NUP214: variants seen among roughly 807,000 people sequenced by gnomAD.
The protein encoded by NUP214 is nuclear pore complex protein Nup214.
NUP214 carries 79 observed loss-of-function variants against 196.2 expected under a neutral mutation model. The ratio of observed to expected loss-of-function variants is 0.40; its 90% confidence interval spans 0.34 to 0.49. The LOEUF is 0.49. Ranked by LOEUF, NUP214 falls within the 20% of genes least tolerant of loss-of-function variation. NUP214 has a pLI of 0.58. For missense variants in NUP214, 2,468 were observed against 2,539.0 expected (o/e 0.97, Z 0.60); for synonymous variants, 1,020 against 990.5 (o/e 1.03, Z -0.56).
intron 29 of NUP214, among the ~76,000 whole-genome samples, chr9:131,200,264 T>TACCCAATCAGTGACAGAA (rs1382384191): frequency 6.6e-6 from 1 of 152,248 alleles, no homozygotes; most frequent in Admixed American, 6.5e-5. Flanking sequence ...TAAGCTCACC[T>TACCCAATCAGTGACAGAA]ACCCAATCAG....
At chr9:131,163,313 T>C (rs1832696406) in intron 19 of NUP214, 140 bp downstream of exon 19, 1 of 720,748 alleles carries the variant, frequency 1.4e-6, no homozygotes, top group African/African-American at 1.8e-5. Flanking sequence ...TCCCACCCTC[T>C]CTGATCCTTT....
intron 34 of NUP214, among the ~76,000 whole-genome samples, chr9:131,231,594 A>G (rs533059721): frequency 6.6e-6 from 1 of 151,798 alleles, no homozygotes; most frequent in African/African-American, 2.4e-5. Flanking sequence ...TAATGGTCTT[A>G]CTAGGCCTTG....
rs1172304070 is a variant in NUP214, at chr9:131,132,115, CTTTCTTTTTTTT to C, written c.664-477_664-466del. Among the ~76,000 whole-genome samples the C allele has an allele frequency of 9.3e-3, 1,001 of 108,172 alleles. 58 individuals are homozygous for C. Among genetic ancestry groups the C allele is most frequent in the Admixed American group, 0.091 (887 of 9,694 alleles). The allele number at this position is 108,172 out of a possible 152,430, so 71.0% of individuals were successfully genotyped here. A position where few individuals can be genotyped will look rare whatever the true frequency, so the allele number is the denominator to read the frequency against. On this transcript the variant is annotated intron_variant, in intron 5 of 35. Transcript: ENST00000359428. Reference sequence around the variant, plus strand: ...TGCGTTCATGCGTTTCTTTTCTTTTCTTTCTTTTTTTTTTTTTTTTGGAGACCAAGTTTTGCT... The same window carrying C: ...TGCGTTCATGCGTTTCTTTTCTTTTCTTTTTTTTGGAGACCAAGTTTTGCT...
At chr9:131,196,879 A>G (rs1833804752) in intron 28 of NUP214, among the ~76,000 whole-genome samples, 1 of 152,256 alleles carries the variant, frequency 6.6e-6, no homozygotes, top group African/African-American at 2.4e-5. Context: ...GATGTTATTA[A>G]GGAAAGCACA....
At chr9:131,145,369 TTA>T (rs1294801760) in intron 12 of NUP214, among the ~76,000 whole-genome samples, 2 of 152,170 alleles carry the variant, frequency 1.3e-5, no homozygotes, top group Admixed American at 1.3e-4. Context: ...AAGCAATCCC[TTA>T]TATCTTGTAA....
intron 1 of NUP214, chr9:131,126,165 A>G (rs753918711): frequency 5.7e-5 from 13 of 227,902 alleles, no homozygotes; most frequent in Non-Finnish European, 9.7e-5. Context: ...GCATCATTTA[A>G]GACCTTTGCT....
chr9:131,143,551 T>C (rs1285415325), intron 11 of NUP214, among the ~76,000 whole-genome samples: 2 of 152,310 alleles, frequency 1.3e-5, no homozygotes, highest in South Asian at 4.1e-4. Flanking sequence ...TAAATTCTTA[T>C]AATTTAGAGG....
At chr9:131,184,433 A>G (rs767471599) in intron 24 of NUP214, among the ~76,000 whole-genome samples, 4 of 150,510 alleles carry the variant, frequency 2.7e-5, no homozygotes, top group Non-Finnish European at 5.9e-5. Context: ...TCCCGGGTTC[A>G]AGCGATTCTC....
chr9:131,198,609 C>T lies in NUP214; in HGVS notation c.5115C>T (p.Ser1705=), dbSNP rs554258793. Reference sequence around the variant, plus strand: ...CAGCTGCCACACCACAGGTCAGCAGCTCAGGGTTTAGCAGCCCAGCTTTTG... The same window carrying T: ...CAGCTGCCACACCACAGGTCAGCAGTTCAGGGTTTAGCAGCCCAGCTTTTG... ...STAAATPQVS[S]SGFSSPAFGT... The change falls in exon 29 of 36, where the codon AGC becomes AGT. Residue 1705 remains serine, a synonymous_variant. Transcript: ENST00000359428. 9.9e-6 allele frequency: 16 copies of T among 1,614,244 alleles called. No homozygotes were observed. The East Asian group carries it at 2.0e-4, about 20-fold the overall frequency.
At chr9:131,151,994 G>A (rs914876026) in intron 17 of NUP214, 100 bp downstream of exon 17, 30 of 906,220 alleles carry the variant, frequency 3.3e-5, no homozygotes, top group Non-Finnish European at 6.3e-6. Flanking sequence ...GGCTCTTTTT[G>A]AAGTTGTTGA....
At chr9:131,194,882 T>C (rs1030839182) in intron 27 of NUP214, among the ~76,000 whole-genome samples, 1 of 152,296 alleles carries the variant, frequency 6.6e-6, no homozygotes, top group Middle Eastern at 3.4e-3. Context: ...GACCATCTGC[T>C]CCGGCCACCA....
intron 3 of NUP214, 52 bp downstream of exon 3, chr9:131,128,535 C>T (rs754178937): frequency 1.3e-6 from 2 of 1,483,574 alleles, no homozygotes; most frequent in Non-Finnish European, 9.1e-7. Context: ...AGCAGATTTC[C>T]TTGTATTGAA....
At chr9:131,189,644 C>T (rs1833546342) in intron 26 of NUP214, among the ~76,000 whole-genome samples, 1 of 152,158 alleles carries the variant, frequency 6.6e-6, no homozygotes, top group Admixed American at 6.5e-5. Context: ...TTTATGGCTT[C>T]ACGTAACTTC....
chr9:131,136,037 C>CTT (rs1365842137), intron 9 of NUP214, 31 bp downstream of exon 9: 1 of 1,529,896 alleles, frequency 6.5e-7, no homozygotes, highest in Non-Finnish European at 9.0e-7. Context: ...TTCTGTGGTG[C>CTT]TTTCTTTTTT....
intron 28 of NUP214, 48 bp downstream of exon 28, chr9:131,195,342 A>G: frequency 6.8e-7 from 1 of 1,475,142 alleles, no homozygotes; most frequent in South Asian, 1.1e-5. Flanking sequence ...TTCTCTAAAT[A>G]AGTACAGGTT....
chr9:131,172,309 G>A (rs1295337505), intron 21 of NUP214, among the ~76,000 whole-genome samples: 2 of 152,094 alleles, frequency 1.3e-5, no homozygotes, highest in Non-Finnish European at 2.9e-5. Context: ...GGCCAGTGAT[G>A]GTGAGCATTT....
intron 30 of NUP214, among the ~76,000 whole-genome samples, chr9:131,213,131 T>G (rs1380259096): frequency 6.6e-6 from 1 of 152,160 alleles, no homozygotes; most frequent in African/African-American, 2.4e-5. Context: ...GTAAAATATG[T>G]TAGTGATCTA....
chr9:131,157,149 T>G (rs1053305515), intron 17 of NUP214, among the ~76,000 whole-genome samples: 4 of 150,930 alleles, frequency 2.7e-5, no homozygotes, highest in African/African-American at 4.9e-5. Flanking sequence ...TGTTTTTTTT[T>G]TTGTTTTGTT....
At chr9:131,205,665 G>C (rs1834055324) in intron 30 of NUP214, among the ~76,000 whole-genome samples, 1 of 152,104 alleles carries the variant, frequency 6.6e-6, no homozygotes, top group Non-Finnish European at 1.5e-5. Context: ...AAAATGTACT[G>C]CTCCTATAGC....
Sources: gnomAD v4.1 joint callset for allele counts (sites outside exome capture counted in the v4.1 genomes callset) on GRCh38, gnomAD v4.1.1 for gene constraint, MANE v1.5 for transcripts, NCBI Gene and HGNC (gene_info 2026-07-23, HGNC 2026-07-21) for gene names.